Variants in VSIG1 observed in about 807,000 individuals in gnomAD.
VSIG1 encodes the protein V-set and immunoglobulin domain containing 1.
Under a neutral mutation model 20.1 loss-of-function variants are expected in VSIG1, and 11 were observed. The observed-to-expected ratio is 0.55, with a 90% CI of 0.34 to 0.91. The LOEUF (loss-of-function observed/expected upper bound fraction) is 0.91. Among genes scored for constraint, VSIG1 ranks in the 40% least tolerant of loss-of-function variants. The pLI is 0.02. For missense variants in VSIG1, 283 were observed against 298.8 expected (o/e 0.95, Z 0.39); for synonymous variants, 126 against 116.7 (o/e 1.08, Z -0.52).
At chrX:108,021,080 A>G in the VSIG1 span, among the ~76,000 whole-genome samples, 1,043 of 111,986 alleles carry the variant, frequency 9.3e-3, 7 homozygotes, top group Admixed American at 0.022. Flanking sequence ...CAGGTAACCT[A>G]AGATGATGGG....
At chrX:108,072,165 G>A (rs1266276697) in intron 3 of VSIG1, among the ~76,000 whole-genome samples, 2 of 110,137 alleles carry the variant, frequency 1.8e-5, no homozygotes, top group Admixed American at 1.9e-4. Context: ...GAATCTTAAT[G>A]GCCTCTTGAC....
chrX:108,074,989 C>T (rs1165847843), intron 5 of VSIG1, among the ~76,000 whole-genome samples: 1 of 112,019 alleles, frequency 8.9e-6, no homozygotes, highest in Non-Finnish European at 1.9e-5. Context: ...CCAAATGAAG[C>T]AATTATTAAC....
chrX:108,039,139 T>C, the VSIG1 span, among the ~76,000 whole-genome samples: 1 of 111,344 alleles, frequency 9.0e-6, no homozygotes, highest in East Asian at 2.8e-4. Context: ...CTAGGATACT[T>C]CACACATGGG....
the VSIG1 span, among the ~76,000 whole-genome samples, chrX:108,020,349 A>AT: frequency 9.0e-6 from 1 of 111,642 alleles, no homozygotes. Flanking sequence ...TTCCTGTATG[A>AT]TTTTTTAAAA....
chrX:108,019,920 C>T, the VSIG1 span, among the ~76,000 whole-genome samples: 2 of 111,470 alleles, frequency 1.8e-5, no homozygotes, highest in South Asian at 3.8e-4. Flanking sequence ...GGGAGTCTCT[C>T]GCTTATCCTT....
chrX:108,045,382 G>GT (rs1479433657), intron 1 of VSIG1, among the ~76,000 whole-genome samples: 3 of 112,004 alleles, frequency 2.7e-5, no homozygotes, highest in Admixed American at 9.4e-5. Flanking sequence ...TAATATTATT[G>GT]TTTTATGGAG....
chrX:108,038,704 G>T, the VSIG1 span, among the ~76,000 whole-genome samples: 3 of 112,151 alleles, frequency 2.7e-5, no homozygotes, highest in Non-Finnish European at 5.6e-5. Flanking sequence ...AAGTGGGCAT[G>T]TGCCAGGCTA....
the VSIG1 span, among the ~76,000 whole-genome samples, chrX:108,020,138 A>T: frequency 1.6e-4 from 18 of 112,268 alleles, no homozygotes; most frequent in Admixed American, 1.3e-3. Context: ...GCCTCTAATC[A>T]ACCATTTGAA....
At chrX:108,032,278 G>T in the VSIG1 span, among the ~76,000 whole-genome samples, 1 of 112,155 alleles carries the variant, frequency 8.9e-6, no homozygotes, top group Non-Finnish European at 1.9e-5. Context: ...ACGAATAAAT[G>T]GAATGAATAT....
the VSIG1 span, among the ~76,000 whole-genome samples, chrX:108,020,664 A>G: frequency 5.4e-5 from 6 of 111,403 alleles, no homozygotes; most frequent in African/African-American, 2.0e-4. Flanking sequence ...TTGATTAGAG[A>G]TTCTTTGCAA....
intron 1 of VSIG1, among the ~76,000 whole-genome samples, chrX:108,056,191 A>C (rs1443303984): frequency 8.9e-6 from 1 of 112,023 alleles, no homozygotes; most frequent in African/African-American, 3.2e-5. Flanking sequence ...ATAAGGTCAC[A>C]TTCACATATA....
the VSIG1 span, among the ~76,000 whole-genome samples, chrX:108,039,881 T>A: frequency 9.1e-6 from 1 of 110,119 alleles, no homozygotes; most frequent in East Asian, 2.8e-4. Flanking sequence ...TAACTGAGAT[T>A]GCAAGAGATA....
At chrX:108,073,474 C>A in intron 5 of VSIG1, 105 bp downstream of exon 5, 1 of 986,531 alleles carries the variant, frequency 1.0e-6, no homozygotes, top group South Asian at 2.3e-5. Context: ...TCCTGCTTCT[C>A]TGGAGATTTG....
At chrX:108,043,234 C>T (rs1257221566), upstream of VSIG1, among the ~76,000 whole-genome samples, 2 of 112,253 alleles carry the variant, frequency 1.8e-5, no homozygotes, top group Non-Finnish European at 3.8e-5. Flanking sequence ...CTGCCTTATA[C>T]GGCCCAGTAC....
chrX:108,027,361 A>C, the VSIG1 span, among the ~76,000 whole-genome samples: 2 of 112,306 alleles, frequency 1.8e-5, no homozygotes, highest in East Asian at 5.6e-4. Flanking sequence ...ACATTCTACA[A>C]CATGGATAAT....
At chrX:108,041,553 C>CGTGTGTGTGT (rs371173365), upstream of VSIG1, among the ~76,000 whole-genome samples, 4 of 99,998 alleles carry the variant, frequency 4.0e-5, no homozygotes, top group South Asian at 4.8e-4. Context: ...TAAAAAACCT[C>CGTGTGTGTGT]GTGTGTGTGT....
chrX:108,073,766 A>G (rs1037802905), intron 5 of VSIG1: 4 of 118,742 alleles, frequency 3.4e-5, no homozygotes, highest in Non-Finnish European at 5.2e-5. Flanking sequence ...TAATAGTATT[A>G]TAATAATAAC....
intron 1 of VSIG1, among the ~76,000 whole-genome samples, chrX:108,047,809 C>CAT (rs1165481903): frequency 9.8e-5 from 6 of 61,138 alleles, no homozygotes; most frequent in South Asian, 7.7e-4. Flanking sequence ...TATATATATA[C>CAT]ATATATATAT....
intron 1 of VSIG1, among the ~76,000 whole-genome samples, chrX:108,048,331 G>A (rs1486435895): frequency 9.0e-6 from 1 of 111,243 alleles, no homozygotes; most frequent in Non-Finnish European, 1.9e-5. Flanking sequence ...TTGATTAAGT[G>A]TGTACATCTT....
Sources: allele counts gnomAD v4.1 joint callset (sites outside exome capture counted in the v4.1 genomes callset), GRCh38; gene constraint gnomAD v4.1.1; transcripts MANE v1.5; gene names NCBI Gene and HGNC (gene_info 2026-07-23, HGNC 2026-07-21).